Variants in SLC6A16 observed in about 807,000 individuals in gnomAD.
SLC6A16 encodes orphan sodium- and chloride-dependent neurotransmitter transporter NTT5.
A neutral mutation model predicts 65.4 loss-of-function variants in SLC6A16; 54 were observed. That is an observed-to-expected ratio of 0.83 (90% CI 0.66 to 1.04). The LOEUF (loss-of-function observed/expected upper bound fraction) is 1.04, where lower values mean the gene tolerates loss of function less well. Among genes scored for constraint, SLC6A16 ranks in the 50% least tolerant of loss-of-function variants. The probability of loss-of-function intolerance (pLI) is 0.00; values close to 1 mark genes in which losing one functional copy is unlikely to be tolerated. For missense variants in SLC6A16, 816 were observed against 914.0 expected, an observed-to-expected ratio of 0.89 and a Z score of 1.38; for synonymous variants, 330 against 346.5, an observed-to-expected ratio of 0.95 and a Z score of 0.53.
intron 7 of SLC6A16, among the ~76,000 whole-genome samples, chr19:49,295,015 T>C (rs1318900393): frequency 6.6e-6 from 1 of 152,102 alleles, no homozygotes; most frequent in Non-Finnish European, 1.5e-5. Flanking sequence ...TTTGGCCTCA[T>C]ATGTCCCTAC....
the SLC6A16 span, among the ~76,000 whole-genome samples, chr19:49,334,066 A>C: frequency 6.6e-6 from 1 of 152,282 alleles, no homozygotes; most frequent in Middle Eastern, 3.4e-3. Flanking sequence ...TCCCACCTCG[A>C]GCCTGTAGCA....
chr19:49,290,473 G>C, intron 11 of SLC6A16, 81 bp from the exon 12 acceptor site: 29 of 1,567,018 alleles, frequency 1.9e-5, no homozygotes, highest in Non-Finnish European at 2.5e-5. Context: ...AGGATGGGTG[G>C]GGAACCAAAG....
chr19:49,332,272 G>A, the SLC6A16 span: 2 of 456,674 alleles, frequency 4.4e-6, no homozygotes. Context: ...AAGGACACTT[G>A]TCAGCCGGGT....
rs1339013390 is a variant in SLC6A16 at position 49,311,232 on chromosome 19, GT to G, written c.115del (p.Thr39ProfsTer37). On this transcript the variant is annotated frameshift_variant, in exon 2 of 12. Transcript: ENST00000335875. LOFTEE classifies it high-confidence loss of function. ...TGAGGTCCAAGATGTTGCAGACCGGGTCAATGAACCCTTGTCTTCCCACGTT... is the reference window on the plus strand; with the variant it reads ...TGAGGTCCAAGATGTTGCAGACCGGGCAATGAACCCTTGTCTTCCCACGTT... ...SQTWEDKGSL[T>X]RSATSWTSEA... The G allele has an allele frequency of 6.2e-7, 1 of 1,614,020 alleles. No individual in the cohort carries two copies. Among genetic ancestry groups the G allele is most frequent in the Non-Finnish European group, 8.5e-7 (1 of 1,180,020 alleles).
the SLC6A16 span, chr19:49,335,840 G>A: frequency 6.9e-7 from 1 of 1,445,622 alleles, no homozygotes; most frequent in Non-Finnish European, 9.7e-7. The surrounding 1 kb of genome is among the most constrained non-coding windows in gnomAD (Gnocchi z 4.6). Context: ...GCAACTTCCT[G>A]GGGTCTCCCT....
chr19:49,314,106 A>AATCAT (rs56287628), intron 1 of SLC6A16, among the ~76,000 whole-genome samples: 104,037 of 141,380 alleles, frequency 0.74, 38,530 homozygotes, highest in African/African-American at 0.79. Context: ...AAAAAAAAAA[A>AATCAT]AATCATAATC....
At position 49,317,805 on chromosome 19, in the gene SLC6A16, C is replaced by CA. The variant is rs745634395; in HGVS notation, c.-64-6395dup. 3.7e-3 allele frequency among the ~76,000 whole-genome samples: 475 copies of CA among 130,078 alleles called. 1 individual carries two copies. The highest frequency in any genetic ancestry group is 5.8e-3 in the African/African-American group (206 of 35,324). The allele number at this position is 130,078 out of a possible 152,430, so 85.3% of individuals were successfully genotyped here. A position where few individuals can be genotyped will look rare whatever the true frequency, so the allele number is the denominator to read the frequency against. ...AGGGCAACACAGCGAGACTCCGTCT[C>CA]AAAAAAAAAAAACTGTACAAATAAT... On this transcript the variant is annotated intron_variant, in intron 1 of 11. Transcript: ENST00000335875.
At chr19:49,307,058 T>TTTTTTTTTTTTTTC (rs1270735460) in intron 7 of SLC6A16, among the ~76,000 whole-genome samples, 1 of 130,818 alleles carries the variant, frequency 7.6e-6, no homozygotes, top group Admixed American at 8.0e-5. Context: ...ACACTTTTTT[T>TTTTTTTTTTTTTTC]TTTTTTTTGT....
chr19:49,338,690 C>A, the SLC6A16 span: 2 of 1,600,274 alleles, frequency 1.2e-6, no homozygotes, highest in Non-Finnish European at 8.5e-7. This position sits in a 1 kb window ranked among gnomAD's most constrained non-coding sequence, Gnocchi z 5.0. Flanking sequence ...GACTCGTATC[C>A]CTCTCCCAGC....
At chr19:49,337,001 G>A in the SLC6A16 span, 1 of 1,613,768 alleles carries the variant, frequency 6.2e-7, no homozygotes, top group Non-Finnish European at 8.5e-7. Context: ...TTGTGTGGGG[G>A]CCCTCAAGGA....
the SLC6A16 span, chr19:49,339,272 G>T: frequency 6.7e-7 from 1 of 1,491,494 alleles, no homozygotes; most frequent in Non-Finnish European, 9.3e-7. This position sits in a 1 kb window ranked among gnomAD's most constrained non-coding sequence, Gnocchi z 4.5. Flanking sequence ...AAAGAACGCT[G>T]GGCCTGGGCT....
Position 49,293,928 on chromosome 19 carries a change from A to G in SLC6A16, c.1517T>C (p.Leu506Pro). 6.2e-7 allele frequency: 1 copy of G among 1,614,094 alleles called. No homozygotes were observed. Among genetic ancestry groups the G allele is most frequent in the South Asian group, 1.1e-5 (1 of 91,080 alleles). Residue 506 changes from leucine to proline, a missense_variant, in exon 9 of 12, where the codon CTG (leucine) becomes CCG (proline). By Grantham distance (98) the Leu-to-Pro change is moderately conservative. Transcript: ENST00000335875. ...FWSFIFFLML[L>P]AMGLSSAIGI... is the part of the protein sequence containing the mutation. ...TATTGCGCTGCTCAGCCCCATGGCC[A>G]GCAACATCAGGAAGAAGATAAAAGA...
intron 10 of SLC6A16, 137 bp downstream of exon 10, chr19:49,293,086 T>G: frequency 1.4e-6 from 1 of 705,744 alleles, no homozygotes; most frequent in African/African-American, 1.8e-5. Context: ...GATGAATGAA[T>G]AAAAAGATTT....
intron 1 of SLC6A16, among the ~76,000 whole-genome samples, chr19:49,314,925 C>G (rs1034658029): frequency 6.6e-6 from 1 of 152,214 alleles, no homozygotes; most frequent in East Asian, 1.9e-4. Context: ...ATTTTTTAAA[C>G]TTCCAAGCAC....
At chr19:49,304,746 GA>G (rs988031206) in intron 7 of SLC6A16, among the ~76,000 whole-genome samples, 9 of 152,106 alleles carry the variant, frequency 5.9e-5, no homozygotes, top group African/African-American at 2.2e-4. Context: ...TATACAACTG[GA>G]AAATGACTAC....
the SLC6A16 span, chr19:49,339,734 C>G: frequency 7.1e-7 from 1 of 1,399,888 alleles, no homozygotes; most frequent in South Asian, 1.7e-5. This position sits in a 1 kb window ranked among gnomAD's most constrained non-coding sequence, Gnocchi z 4.5. Context: ...GTGCCGGGCG[C>G]TGGGGATTCG....
At chr19:49,312,553 C>A in intron 1 of SLC6A16, 1 of 985,066 alleles carries the variant, frequency 1.0e-6, no homozygotes, top group Non-Finnish European at 1.2e-6. Flanking sequence ...CTCCAAGTTC[C>A]CGCCACTCTG....
chr19:49,307,158 G>A (rs930182670), intron 7 of SLC6A16, among the ~76,000 whole-genome samples: 14 of 149,532 alleles, frequency 9.4e-5, no homozygotes, highest in East Asian at 4.0e-4. Flanking sequence ...CATTACAGGC[G>A]TGAGCCACTG....
At chr19:49,313,946 A>C (rs1053474808) in intron 1 of SLC6A16, among the ~76,000 whole-genome samples, 4 of 152,066 alleles carry the variant, frequency 2.6e-5, no homozygotes, top group African/African-American at 9.7e-5. Flanking sequence ...AGTACAAAAA[A>C]TTAGCCAGGC....
Sources: gnomAD v4.1 joint callset for allele counts (sites outside exome capture counted in the v4.1 genomes callset) on GRCh38, gnomAD v4.1.1 for gene constraint, Gnocchi (gnomAD v3.1) non-coding constraint, MANE v1.5 for transcripts, NCBI Gene and HGNC (gene_info 2026-07-23, HGNC 2026-07-21) for gene names.